Variants in TPCN2 observed in about 807,000 individuals in gnomAD.
TPCN2 encodes two pore channel protein 2.
Under a neutral mutation model 111.4 loss-of-function variants are expected in TPCN2, and 92 were observed. The ratio of observed to expected loss-of-function variants is 0.83; its 90% confidence interval spans 0.70 to 0.98. The LOEUF (loss-of-function observed/expected upper bound fraction) is 0.98, where lower values mean the gene tolerates loss of function less well. TPCN2 is among the 50% of genes least tolerant of loss of function. The probability of loss-of-function intolerance (pLI) is 0.00; values close to 1 mark genes in which losing one functional copy is unlikely to be tolerated. For missense variants in TPCN2, 995 were observed against 980.1 expected (o/e 1.02, Z -0.20); for synonymous variants, 405 against 414.5 (o/e 0.98, Z 0.28).
In TPCN2 at chr11:69,082,014, G is replaced by T. The variant is rs1046374891; in HGVS notation, c.1689+515G>T. Among the ~76,000 whole-genome samples the T allele has an allele frequency of 2.0e-5, 3 of 152,140 alleles. No individual in the cohort carries two copies. The East Asian group carries it at 5.8e-4, about 29-fold the overall frequency. On this transcript the variant is annotated intron_variant, in intron 18 of 24. Coordinates refer to ENST00000294309, the MANE Select transcript of TPCN2 (RefSeq NM_139075.4). ...AGGGGCAGGCAGGCAGAGGTCGGGG[G>T]TCTGGGCCTTGCTGCTCCTGGCATC...
rs994612257 is a variant in TPCN2 at position 69,067,716 on chromosome 11, C to T, written c.829+111C>T. ...GTGGGAGTTTCTGAGGCCTTTTTTTCGATAAGTGGAGAAGAAAGGGTGACA... is the reference window on the plus strand; with the variant it reads ...GTGGGAGTTTCTGAGGCCTTTTTTTTGATAAGTGGAGAAGAAAGGGTGACA... On this transcript the variant is annotated intron_variant, in intron 8 of 24. Coordinates refer to ENST00000294309, the MANE Select transcript of TPCN2 (RefSeq NM_139075.4). The T allele has an allele frequency of 1.9e-5, 15 of 790,338 alleles. 1 individual carries two copies. Among genetic ancestry groups the T allele is most frequent in the South Asian group, 8.2e-5 (5 of 60,654 alleles). The allele number at this position is 790,338 out of a possible 1,614,324, so 49.0% of individuals were successfully genotyped here. A position where few individuals can be genotyped will look rare whatever the true frequency, so the allele number is the denominator to read the frequency against.
intron 16 of TPCN2, 164 bp from the exon 17 acceptor site, chr11:69,079,670 T>C (rs12804893): frequency 0.92 from 554,013 of 605,016 alleles, 259,522 homozygotes; most frequent in Non-Finnish European, 0.99. Context: ...AAAGAAGTCC[T>C]GACATCTGGA....
intron 5 of TPCN2, among the ~76,000 whole-genome samples, chr11:69,062,651 G>A (rs922828180): frequency 1.4e-4 from 22 of 152,108 alleles, no homozygotes; most frequent in Non-Finnish European, 2.8e-4. Context: ...GCAGCGCCCA[G>A]GAGTTGGGAG....
rs371727757 is a variant in TPCN2, at chr11:69,078,676, C to T, written c.1351-58C>T. The T allele has an allele frequency of 9.4e-5, 152 of 1,613,346 alleles. No individual in the cohort carries two copies. The Admixed American group carries it at 1.0e-3, about 11-fold the overall frequency. ...CACCTTGCAGGGGAGCCTGCCCCTC[C>T]TGCCTCGCCCAGCGCTGTGCTGGGC... On this transcript the variant is annotated intron_variant, in intron 14 of 24. Coordinates refer to ENST00000294309, the MANE Select transcript of TPCN2 (RefSeq NM_139075.4).
Position 69,078,726 on chromosome 11 carries a change from C to T in TPCN2, c.1351-8C>T, listed in dbSNP as rs541753029. The T allele has an allele frequency of 3.7e-6, 6 of 1,613,874 alleles. No individual in the cohort carries two copies. Among genetic ancestry groups the T allele is most frequent in the African/African-American group, 2.7e-5 (2 of 75,066 alleles). On this transcript the variant is annotated splice_polypyrimidine_tract_variant and splice_region_variant and intron_variant, in intron 14 of 24. Coordinates refer to ENST00000294309, the MANE Select transcript of TPCN2 (RefSeq NM_139075.4). ...CCAGCCGGCGAGCCCTCTGTTCTGG[C>T]GTTGCAGGTGTTCCTGGTGCTGGAT...
At chr11:69,064,464 G>T (rs1295580419) in intron 7 of TPCN2, among the ~76,000 whole-genome samples, 1 of 152,034 alleles carries the variant, frequency 6.6e-6, no homozygotes, top group Non-Finnish European at 1.5e-5. Flanking sequence ...CACCTCCCAC[G>T]CCCTCTCCTG....
intron 7 of TPCN2, 55 bp downstream of exon 7, chr11:69,064,022 CAG>C (rs1435275418): frequency 1.9e-5 from 30 of 1,551,516 alleles, no homozygotes; most frequent in Admixed American, 1.5e-4. Context: ...CTGTGACTAA[CAG>C]AGGGGGCTGG....
In TPCN2 at chr11:69,067,532, G is replaced by A. The variant is rs748098670; in HGVS notation, c.756G>A (p.Leu252=). The change falls in exon 8 of 25, where the codon CTG becomes CTA. Residue 252 remains leucine (L), a synonymous_variant. Transcript: ENST00000294309. The stretch of plus-strand genomic sequence containing the variant: ...ATGATGGGCAGGACAGGGAGAGGCT[G>A]ACCTACTTCCAGAACCTGCCTGAGT... The part of the protein sequence containing the change: ...KQDDGQDRER[L]TYFQNLPESL... The A allele has an allele frequency of 1.9e-6, 3 of 1,613,920 alleles. No individual in the cohort carries two copies. Among genetic ancestry groups the A allele is most frequent in the East Asian group, 4.5e-5 (2 of 44,878 alleles).
At chr11:69,057,842 C>A in intron 5 of TPCN2, 148 bp downstream of exon 5, 1 of 691,498 alleles carries the variant, frequency 1.4e-6, no homozygotes, top group South Asian at 1.6e-5. Flanking sequence ...GCACTTCCTT[C>A]ACTTGTTGGC....
chr11:69,053,541 C>G (rs370476960), intron 1 of TPCN2, among the ~76,000 whole-genome samples: 2 of 152,180 alleles, frequency 1.3e-5, no homozygotes, highest in South Asian at 4.2e-4. Flanking sequence ...TAGGGCCGAG[C>G]GGAAGAGGGG....
At chr11:69,080,683 A>G (rs1855968558) in intron 17 of TPCN2, among the ~76,000 whole-genome samples, 1 of 152,154 alleles carries the variant, frequency 6.6e-6, no homozygotes, top group African/African-American at 2.4e-5. Flanking sequence ...GTGGACAGCA[A>G]GAGCCTTGCT....
chr11:69,078,575 G>A lies in TPCN2; in HGVS notation c.1324G>A (p.Ala442Thr), dbSNP rs767412783. Residue 442 changes from alanine (A) to threonine (T), a missense_variant, in exon 14 of 25, where the codon GCC becomes ACC. Coordinates refer to ENST00000294309, the MANE Select transcript of TPCN2 (RefSeq NM_139075.4). ...YYFDYLGNLI[A>T]LANLVSICVF... ...CTTTGACTACCTGGGGAACCTCATC[G>A]CCCTGGCAAACCTGGTGTCCATTTG... 58 of 1,613,910 alleles carry A rather than the reference G, an allele frequency of 3.6e-5. No homozygotes were observed. Among genetic ancestry groups the A allele is most frequent in the South Asian group, 2.5e-4 (23 of 91,090 alleles).
chr11:69,063,134 G>A (rs1212968597), intron 6 of TPCN2, 144 bp downstream of exon 6: 2 of 703,544 alleles, frequency 2.8e-6, no homozygotes, highest in Non-Finnish European at 2.4e-6. Context: ...GTGTGGGGAG[G>A]CTGCTGGGGG....
chr11:69,064,562 A>G (rs11228473), intron 7 of TPCN2, among the ~76,000 whole-genome samples: 3 of 151,876 alleles, frequency 2.0e-5, no homozygotes, highest in Admixed American at 2.0e-4. Flanking sequence ...CCTGTCCCCC[A>G]ACCCCGCTCC....
chr11:69,071,264 C>G, intron 9 of TPCN2, 92 bp from the exon 10 acceptor site: 1 of 975,222 alleles, frequency 1.0e-6, no homozygotes, highest in South Asian at 1.4e-5. Flanking sequence ...AGGGGACGCC[C>G]CCGGCGCTGT....
At chr11:69,058,805 C>T (rs951540794) in intron 5 of TPCN2, among the ~76,000 whole-genome samples, 3 of 152,274 alleles carry the variant, frequency 2.0e-5, no homozygotes, top group Non-Finnish European at 4.4e-5. Context: ...GAGCCTCTTG[C>T]GTGACTGCCC....
At chr11:69,056,678 G>A (rs1244770211) in intron 4 of TPCN2, among the ~76,000 whole-genome samples, 4 of 147,344 alleles carry the variant, frequency 2.7e-5, no homozygotes, top group East Asian at 2.1e-4. Context: ...GAATACAGGC[G>A]CGTGCCACCA....
At chr11:69,084,996 C>T (rs949961544) in intron 19 of TPCN2, among the ~76,000 whole-genome samples, 5 of 152,184 alleles carry the variant, frequency 3.3e-5, no homozygotes, top group African/African-American at 7.2e-5. Flanking sequence ...TCCATGACCA[C>T]GCCTGCCTGA....
rs753794712 is a variant in TPCN2 at position 69,049,065 on chromosome 11, C to G, written c.68C>G (p.Pro23Arg). ...GGARGGGGDW[P>R]AGLTTYRSIQ... is the part of the protein sequence containing the mutation. The stretch of plus-strand genomic sequence containing the variant: ...GCCCGCGGCGGTGGCGGCGACTGGC[C>G]GGCGGGGCTGACCACTTACCGCAGC... The change falls in exon 1 of 25, where the codon CCG becomes CGG. Residue 23 changes from proline (P) to arginine (R), a missense_variant. Transcript: ENST00000294309. 2 of 1,242,574 alleles carry G rather than the reference C, an allele frequency of 1.6e-6. No individual in the cohort carries two copies. Among genetic ancestry groups the G allele is most frequent in the African/African-American group, 1.6e-5 (1 of 64,432 alleles). 77.0% of individuals were successfully genotyped at this position (1,242,574 alleles called of 1,614,324 possible). A position where few individuals can be genotyped will look rare whatever the true frequency, so the allele number is the denominator to read the frequency against.
Sources: gnomAD v4.1 joint callset for allele counts (sites outside exome capture counted in the v4.1 genomes callset) on GRCh38, gnomAD v4.1.1 for gene constraint, MANE v1.5 for transcripts, NCBI Gene and HGNC (gene_info 2026-07-23, HGNC 2026-07-21) for gene names.